The following ZNF254 variants were observed in gnomAD, a reference collection of about 807,000 sequenced individuals.
The protein encoded by ZNF254 is zinc finger protein 254.
A neutral mutation model predicts 12.4 loss-of-function variants in ZNF254; 10 were observed. The observed-to-expected ratio is 0.80, with a 90% CI of 0.50 to 1.36. The LOEUF is 1.36. Among genes scored for constraint, ZNF254 ranks in the 40% most tolerant of loss-of-function variants. The pLI, the probability that ZNF254 is intolerant of heterozygous loss-of-function variation, is 0.00. For synonymous variants in ZNF254, 305 were observed against 253.4 expected (o/e 1.20, Z -1.93); for missense variants, 996 against 763.9 (o/e 1.30, Z -3.58).
chr19:24,088,820 C>A (rs943584103), intron 1 of ZNF254, among the ~76,000 whole-genome samples: 1 of 151,794 alleles, frequency 6.6e-6, no homozygotes, highest in Non-Finnish European at 1.5e-5. Flanking sequence ...CCACGCCTGG[C>A]TAATTTTTGT....
At chr19:24,061,351 G>T (rs948675115) in intron 2 of ZNF254, among the ~76,000 whole-genome samples, 8 of 152,166 alleles carry the variant, frequency 5.3e-5, no homozygotes, top group African/African-American at 1.9e-4. Context: ...TTTGGTTATT[G>T]TGACATTTCA....
At chr19:24,104,896 C>G (rs1599718621) in intron 1 of ZNF254, 1 of 152,236 alleles carries the variant, frequency 6.6e-6, no homozygotes, top group Non-Finnish European at 1.5e-5. Flanking sequence ...ACCCAGAAAG[C>G]TCTGAAAAAA....
In ZNF254 at chr19:24,127,650, A is replaced by G. The variant is rs754608702; in HGVS notation, c.1650A>G (p.Lys550=). 1 of 1,613,476 alleles carries G rather than the reference A, an allele frequency of 6.2e-7. No homozygotes were observed. The highest frequency in any genetic ancestry group is 1.3e-5 in the African/African-American group (1 of 74,902). The change falls in exon 4 of 4, where the codon AAA becomes AAG. Residue 550 remains lysine (K), a synonymous_variant. Coordinates refer to ENST00000357002, the MANE Select transcript of ZNF254 (RefSeq NM_203282.4). The part of the protein sequence containing the change: ...HTEEKPYKCE[K]CGKAFKQSSI... ...AAGAGAAACCCTACAAATGTGAAAA[A>G]TGTGGCAAAGCCTTTAAGCAGTCTT...
rs562802658 is a variant in ZNF254 at position 24,053,805 on chromosome 19, C to G, written c.-94+7526C>G. 3.9e-5 allele frequency among the ~76,000 whole-genome samples: 6 copies of G among 152,280 alleles called. No individual in the cohort carries two copies. The South Asian group carries it at 1.2e-3, about 32-fold the overall frequency. Reference sequence around the variant, plus strand: ...ATCACCTAGATGATGTAACTCTTTTCTATCTGGGCCCTGCCAAAAGGGAGG... The same window carrying G: ...ATCACCTAGATGATGTAACTCTTTTGTATCTGGGCCCTGCCAAAAGGGAGG... On this transcript the variant is annotated intron_variant, in intron 2 of 4. Transcript: ENST00000613065.
At chr19:24,056,526 A>C (rs1415469346) in intron 2 of ZNF254, among the ~76,000 whole-genome samples, 1 of 152,088 alleles carries the variant, frequency 6.6e-6, no homozygotes, top group Non-Finnish European at 1.5e-5. Flanking sequence ...CTGGACCTCA[A>C]AAGGCATTGT....
rs1028442922 is a variant in ZNF254, at chr19:24,065,371, C to G, written c.-94+19092C>G. ...GTTGAGAACTCTGTGATGTGACTCT[C>G]CTTGCTGGTGCATGCTGTCAGGGAA... is the stretch of plus-strand genomic sequence containing the variant. On this transcript the variant is annotated intron_variant, in intron 2 of 4. Coordinates refer to the ZNF254 transcript ENST00000613065. The G allele has an allele frequency of 2.6e-5, 4 of 152,190 alleles. No homozygotes were observed. The East Asian group carries it at 5.8e-4, about 22-fold the overall frequency. The allele number at this position is 152,190 out of a possible 1,614,324, so 9.4% of individuals were successfully genotyped here. A position where few individuals can be genotyped will look rare whatever the true frequency, so the allele number is the denominator to read the frequency against.
At chr19:24,121,032 C>T (rs1039370696) in intron 3 of ZNF254, among the ~76,000 whole-genome samples, 3 of 151,148 alleles carry the variant, frequency 2.0e-5, no homozygotes, top group Non-Finnish European at 4.4e-5. Context: ...AGCCACAGTG[C>T]CTGGCCATCA....
At position 24,126,731 on chromosome 19, in the gene ZNF254, A is replaced by G; in HGVS notation, c.731A>G (p.Asn244Ser). The G allele has an allele frequency of 6.2e-7, 1 of 1,613,360 alleles. No homozygotes were observed. The highest frequency in any genetic ancestry group is 8.5e-7 in the Non-Finnish European group (1 of 1,179,748). Residue 244 changes from asparagine (N) to serine (S), a missense_variant, in exon 4 of 4, where the codon AAC becomes AGC. Asn to Ser is a conservative substitution (Grantham distance 46, BLOSUM62 1). Transcript: ENST00000357002. ...AAACCTTACAAATGTGAAGAATATA[A>G]CAAATCTCCTAAGCAACTCTCAACC... ...EEKPYKCEEY[N>S]KSPKQLSTLT... is the part of the protein sequence containing the mutation.
intron 1 of ZNF254, among the ~76,000 whole-genome samples, chr19:24,090,922 GT>G (rs35449033): frequency 2.4e-5 from 3 of 126,798 alleles, no homozygotes; most frequent in East Asian, 2.3e-4. Flanking sequence ...TCTCGGACAT[GT>G]TTTTTTTTAT....
chr19:24,043,267 A>AAT (rs1555750105), intron 1 of ZNF254, among the ~76,000 whole-genome samples: 142 of 149,414 alleles, frequency 9.5e-4, no homozygotes, highest in African/African-American at 3.4e-3. Flanking sequence ...CCAAAAAAAA[A>AAT]TTTTTTTTTT....
intron 3 of ZNF254, among the ~76,000 whole-genome samples, chr19:24,124,515 CT>C (rs879900951): frequency 3.3e-5 from 5 of 152,008 alleles, no homozygotes; most frequent in Non-Finnish European, 5.9e-5. Flanking sequence ...TTTTCAGCAC[CT>C]TTTATATGTA....
intron 1 of ZNF254, among the ~76,000 whole-genome samples, chr19:24,090,340 G>T (rs935364057): frequency 2.0e-5 from 3 of 152,114 alleles, no homozygotes; most frequent in East Asian, 1.9e-4. Flanking sequence ...GAGTAGGATG[G>T]GGTGGGACAG....
At chr19:24,035,173 G>C (rs1044243655) in intron 1 of ZNF254, among the ~76,000 whole-genome samples, 15 of 151,556 alleles carry the variant, frequency 9.9e-5, no homozygotes, top group Admixed American at 8.5e-4. Flanking sequence ...GTTGTTGTTT[G>C]TTTTTTGTGA....
At chr19:24,082,572 C>T, upstream of ZNF254, among the ~76,000 whole-genome samples, 1 of 126,768 alleles carries the variant, frequency 7.9e-6, no homozygotes. Flanking sequence ...ATCTCTTGAA[C>T]CTGGGAGGCG....
At chr19:24,060,970 C>G (rs1971043139) in intron 2 of ZNF254, among the ~76,000 whole-genome samples, 1 of 152,184 alleles carries the variant, frequency 6.6e-6, no homozygotes, top group Non-Finnish European at 1.5e-5. Flanking sequence ...CCTGCCTGGG[C>G]CCTACCCTCA....
At chr19:24,062,430 T>A (rs189392940) in intron 2 of ZNF254, among the ~76,000 whole-genome samples, 47 of 152,294 alleles carry the variant, frequency 3.1e-4, no homozygotes, top group African/African-American at 1.0e-3. Context: ...CAGCTCATAG[T>A]GGTGAGGACT....
intron 2 of ZNF254, among the ~76,000 whole-genome samples, chr19:24,067,452 C>T (rs902458416): frequency 6.6e-6 from 1 of 151,872 alleles, no homozygotes; most frequent in African/African-American, 2.4e-5. Context: ...ATCGCTGGGC[C>T]CAGCACATAT....
chr19:24,049,184 TTATATATA>T (rs1159690517), intron 2 of ZNF254, among the ~76,000 whole-genome samples: 5 of 63,164 alleles, frequency 7.9e-5, no homozygotes, highest in South Asian at 6.5e-4. Context: ...GGCTCTGGTT[TTATATATA>T]TATATATATA....
At chr19:24,094,738 G>A (rs919843686) in intron 1 of ZNF254, among the ~76,000 whole-genome samples, 1 of 151,898 alleles carries the variant, frequency 6.6e-6, no homozygotes, top group Non-Finnish European at 1.5e-5. Context: ...CCAGGCTGGA[G>A]TGCAGTGGCA....
Sources: allele counts gnomAD v4.1 joint callset (sites outside exome capture counted in the v4.1 genomes callset), GRCh38; gene constraint gnomAD v4.1.1; transcripts MANE v1.5; gene names NCBI Gene and HGNC (gene_info 2026-07-23, HGNC 2026-07-21).